CCDC192: variants seen among roughly 807,000 people sequenced by gnomAD.
CCDC192 encodes the protein coiled-coil domain containing 192.
rs996821285 is a variant in CCDC192 at position 127,920,436 on chromosome 5, T to G, written c.536-20746T>G. 8.3e-5 allele frequency among the ~76,000 whole-genome samples: 12 copies of G among 143,738 alleles called. No homozygotes were observed. The East Asian group carries it at 1.8e-3, about 21-fold the overall frequency. 94.3% of individuals were successfully genotyped at this position (143,738 alleles called of 152,430 possible). A position where few individuals can be genotyped will look rare whatever the true frequency, so the allele number is the denominator to read the frequency against. On this transcript the variant is annotated intron_variant, in intron 6 of 6. Coordinates refer to ENST00000514853, the MANE Select transcript of CCDC192 (RefSeq NM_001317938.2). ...TTTTTTTTTTTTTTTGAGATGGAGTTTTTGCTCTGTTGCCCAGGCTGGAGT... is the reference window on the plus strand; with the variant it reads ...TTTTTTTTTTTTTTTGAGATGGAGTGTTTGCTCTGTTGCCCAGGCTGGAGT...
chr5:127,719,288 C>T (rs188196629), intron 2 of CCDC192, among the ~76,000 whole-genome samples: 534 of 151,810 alleles, frequency 3.5e-3, no homozygotes, highest in Non-Finnish European at 5.7e-3. Context: ...TTTTCTTTTT[C>T]TATTCATCCG....
Position 127,706,525 on chromosome 5 carries a change from G to GAAA in CCDC192, c.63-1164_63-1162dup, listed in dbSNP as rs1224118510. ...GGTGACAGAGCAAGACTCCATCTCA[G>GAAA]AAAAAAAAAAAAAAAAAAAAAAGTA... On this transcript the variant is annotated intron_variant, in intron 1 of 6. Coordinates refer to ENST00000514853, the MANE Select transcript of CCDC192 (RefSeq NM_001317938.2). Among the ~76,000 whole-genome samples, 67 of 60,122 alleles carry GAAA rather than the reference G, an allele frequency of 1.1e-3. 1 individual carries two copies. The highest frequency in any genetic ancestry group is 4.6e-3 in the Admixed American group (20 of 4,356). 39.4% of individuals were successfully genotyped at this position (60,122 alleles called of 152,430 possible).
intron 5 of CCDC192, among the ~76,000 whole-genome samples, chr5:127,847,269 C>T (rs1212362335): frequency 6.6e-6 from 1 of 152,248 alleles, no homozygotes; most frequent in East Asian, 1.9e-4. Flanking sequence ...TCCTAGCCAT[C>T]TGATAAAATC....
At chr5:127,873,462 T>C (rs950204556) in intron 5 of CCDC192, among the ~76,000 whole-genome samples, 8 of 152,218 alleles carry the variant, frequency 5.3e-5, no homozygotes, top group African/African-American at 1.7e-4. Flanking sequence ...CTATCTTCGG[T>C]TTAACACGTA....
intron 2 of CCDC192, among the ~76,000 whole-genome samples, chr5:127,725,928 CT>C (rs2126807206): frequency 6.6e-6 from 1 of 152,054 alleles, no homozygotes; most frequent in Admixed American, 6.5e-5. Flanking sequence ...ATTAATTTCA[CT>C]ATTGTATTTG....
intron 6 of CCDC192, among the ~76,000 whole-genome samples, chr5:127,891,207 C>T (rs540526685): frequency 1.9e-3 from 282 of 145,324 alleles, no homozygotes; most frequent in African/African-American, 6.5e-3. Flanking sequence ...TGCCTGCCAC[C>T]GCTCCTGGCT....
At chr5:127,820,051 G>T (rs375887484) in intron 5 of CCDC192, among the ~76,000 whole-genome samples, 115 of 152,226 alleles carry the variant, frequency 7.6e-4, no homozygotes, top group African/African-American at 2.7e-3. Flanking sequence ...TACTCTTACT[G>T]ATTGTGTTAT....
intron 6 of CCDC192, among the ~76,000 whole-genome samples, chr5:127,913,503 C>T (rs1277913300): frequency 7.9e-5 from 12 of 152,202 alleles, no homozygotes; most frequent in Non-Finnish European, 1.8e-4. Context: ...ACCTAGACCG[C>T]TGCTTTTTAT....
At chr5:127,828,347 C>A (rs57060539) in intron 5 of CCDC192, among the ~76,000 whole-genome samples, 1,531 of 152,282 alleles carry the variant, frequency 0.01, 15 homozygotes, top group African/African-American at 0.035. Flanking sequence ...TAATTAGAAA[C>A]CCTAGGGAAA....
intron 6 of CCDC192, among the ~76,000 whole-genome samples, chr5:127,928,047 C>A (rs1295655829): frequency 6.6e-6 from 1 of 151,186 alleles, no homozygotes; most frequent in African/African-American, 2.4e-5. Context: ...CCTGCCTCAG[C>A]CTCCTGAGTG....
chr5:127,834,664 G>T (rs569156553), intron 5 of CCDC192, among the ~76,000 whole-genome samples: 1 of 152,106 alleles, frequency 6.6e-6, no homozygotes, highest in Non-Finnish European at 1.5e-5. Flanking sequence ...TTTTTTAAAG[G>T]GAGCAACTGT....
intron 2 of CCDC192, among the ~76,000 whole-genome samples, chr5:127,713,979 C>T (rs248733): frequency 0.32 from 48,457 of 152,028 alleles, 7,966 homozygotes; most frequent in South Asian, 0.43. Flanking sequence ...TGTATTTATC[C>T]CCCTATACCA....
chr5:127,750,830 A>G (rs1367512644), intron 2 of CCDC192, among the ~76,000 whole-genome samples: 1 of 151,632 alleles, frequency 6.6e-6, no homozygotes, highest in Admixed American at 6.6e-5. Context: ...TAGGGTAGTT[A>G]GCTCTTCTTG....
chr5:127,884,170 T>C (rs944200134), intron 6 of CCDC192, among the ~76,000 whole-genome samples: 5 of 151,748 alleles, frequency 3.3e-5, no homozygotes, highest in African/African-American at 1.2e-4. Context: ...GGTGAAACCC[T>C]GCCTCTACTA....
At chr5:127,791,676 G>A (rs142764841) in intron 3 of CCDC192, among the ~76,000 whole-genome samples, 126 of 152,302 alleles carry the variant, frequency 8.3e-4, no homozygotes, top group African/African-American at 2.9e-3. Flanking sequence ...AGTTGAAAAA[G>A]TCATTAAACA....
chr5:127,767,603 A>G (rs990401631), intron 3 of CCDC192, among the ~76,000 whole-genome samples: 1 of 152,040 alleles, frequency 6.6e-6, no homozygotes, highest in Non-Finnish European at 1.5e-5. Flanking sequence ...TGATCACCTC[A>G]TCTTTCCCAT....
intron 2 of CCDC192, among the ~76,000 whole-genome samples, chr5:127,750,416 G>T (rs1423743593): frequency 6.6e-6 from 1 of 152,122 alleles, no homozygotes; most frequent in Non-Finnish European, 1.5e-5. Flanking sequence ...CCATGTAGTT[G>T]AGGGGTTTTG....
chr5:127,725,779 A>G (rs935611077), intron 2 of CCDC192, among the ~76,000 whole-genome samples: 1 of 152,182 alleles, frequency 6.6e-6, no homozygotes, highest in African/African-American at 2.4e-5. Flanking sequence ...GTCATTATAG[A>G]TGGAAAAAGA....
At position 127,844,050 on chromosome 5, in the gene CCDC192, C is replaced by T. The variant is rs74383144; in HGVS notation, c.412-31488C>T. On this transcript the variant is annotated intron_variant, in intron 5 of 6. Coordinates refer to ENST00000514853, the MANE Select transcript of CCDC192 (RefSeq NM_001317938.2). Reference sequence around the variant, plus strand: ...GTGTTGAACCCATCCCTATAAAAAACGTAAAATAAACAACATCATCCCTTT... The same window carrying T: ...GTGTTGAACCCATCCCTATAAAAAATGTAAAATAAACAACATCATCCCTTT... 8.5e-3 allele frequency among the ~76,000 whole-genome samples: 1,292 copies of T among 152,296 alleles called. 11 individuals carry two copies. Among genetic ancestry groups the T allele is most frequent in the Non-Finnish European group, 0.014 (934 of 68,016 alleles).
Sources: gnomAD v4.1 joint callset for allele counts (sites outside exome capture counted in the v4.1 genomes callset) on GRCh38, gnomAD v4.1.1 for gene constraint, MANE v1.5 for transcripts, NCBI Gene and HGNC (gene_info 2026-07-23, HGNC 2026-07-21) for gene names.